The following SORD variants were observed in gnomAD, a reference collection of about 807,000 sequenced individuals.
SORD encodes the protein sorbitol dehydrogenase, also known as (R,R)-butanediol dehydrogenase.
Under a neutral mutation model 35.6 loss-of-function variants are expected in SORD, and 18 were observed. The observed-to-expected ratio is 0.51, with a 90% CI of 0.35 to 0.75. The LOEUF (loss-of-function observed/expected upper bound fraction) is 0.75. Among genes scored for constraint, SORD ranks in the 30% least tolerant of loss-of-function variants. SORD has a pLI of 0.01. For missense variants in SORD, 250 were observed against 390.2 expected, an observed-to-expected ratio of 0.64 and a Z score of 3.03; for synonymous variants, 106 against 152.9, an observed-to-expected ratio of 0.69 and a Z score of 2.26.
chr15:45,027,589 C>T (rs1892695608), intron 1 of SORD, among the ~76,000 whole-genome samples: 1 of 152,252 alleles, frequency 6.6e-6, no homozygotes, highest in African/African-American at 2.4e-5. Flanking sequence ...AGACCAGGGC[C>T]TTCAAACACA....
intron 7 of SORD, chr15:45,069,980 G>A (rs1893484571): frequency 1.3e-5 from 2 of 152,200 alleles, no homozygotes; most frequent in Admixed American, 6.5e-5. Flanking sequence ...ATCAAAGTAT[G>A]AGGAAACGAA....
At chr15:45,068,296 T>A in intron 6 of SORD, 50 bp downstream of exon 6, 3 of 1,349,522 alleles carry the variant, frequency 2.2e-6, no homozygotes, top group Non-Finnish European at 3.2e-6. Flanking sequence ...CAGCGGGTCC[T>A]ACTGTATGTG....
At chr15:45,048,691 T>C (rs1289168746) in intron 3 of SORD, among the ~76,000 whole-genome samples, 3 of 152,118 alleles carry the variant, frequency 2.0e-5, no homozygotes, top group Non-Finnish European at 4.4e-5. Flanking sequence ...CTTTGTCTCA[T>C]GACCAGGAAA....
At chr15:45,046,817 A>G (rs1343936262) in intron 3 of SORD, among the ~76,000 whole-genome samples, 1 of 152,154 alleles carries the variant, frequency 6.6e-6, no homozygotes, top group East Asian at 1.9e-4. Flanking sequence ...CAGGAGTTCA[A>G]GATCAGCCTG....
intron 1 of SORD, among the ~76,000 whole-genome samples, chr15:45,023,971 G>A (rs2141259622): frequency 6.6e-6 from 1 of 152,224 alleles, no homozygotes; most frequent in South Asian, 2.1e-4. Context: ...TCCCTTGTCT[G>A]TAAGGATCCT....
chr15:45,027,573 G>A (rs965221703), intron 1 of SORD, among the ~76,000 whole-genome samples: 3 of 152,216 alleles, frequency 2.0e-5, no homozygotes, highest in Admixed American at 2.0e-4. Context: ...AAAAAGAGGT[G>A]GATGGAGACC....
intron 1 of SORD, among the ~76,000 whole-genome samples, chr15:45,026,782 G>A (rs72722055): frequency 0.18 from 25,222 of 139,160 alleles, no homozygotes; most frequent in African/African-American, 0.43. Flanking sequence ...AGGAAGCAAT[G>A]TCTCAACCTT....
chr15:45,025,015 A>G (rs1256602865), intron 1 of SORD, among the ~76,000 whole-genome samples: 1 of 152,246 alleles, frequency 6.6e-6, no homozygotes, highest in Non-Finnish European at 1.5e-5. Context: ...CTGCTCAGGC[A>G]GACTACCTCT....
At chr15:45,036,252 C>T in intron 1 of SORD, 1 of 445,658 alleles carries the variant, frequency 2.2e-6, no homozygotes, top group Non-Finnish European at 4.5e-6. Context: ...CAAGAACCCA[C>T]CAATTCCGGA....
chr15:45,055,936 A>G (rs1434837021), intron 3 of SORD, among the ~76,000 whole-genome samples: 1 of 152,122 alleles, frequency 6.6e-6, no homozygotes, highest in Admixed American at 6.6e-5. Flanking sequence ...ACAAAATTCA[A>G]CAACTCTTCA....
intron 7 of SORD, among the ~76,000 whole-genome samples, chr15:45,071,289 A>C (rs1204225832): frequency 6.6e-6 from 1 of 152,112 alleles, no homozygotes; most frequent in African/African-American, 2.4e-5. Flanking sequence ...GCTGATGAGG[A>C]AGTAGTTTCC....
intron 1 of SORD, among the ~76,000 whole-genome samples, chr15:45,035,188 C>A (rs1306687336): frequency 3.9e-5 from 6 of 152,186 alleles, no homozygotes. Context: ...GGCGCCCAAT[C>A]CCATCGACCA....
intron 4 of SORD, 62 bp from the exon 5 acceptor site, chr15:45,065,209 T>A: frequency 5.2e-6 from 7 of 1,355,796 alleles, no homozygotes; most frequent in Non-Finnish European, 7.3e-6. Flanking sequence ...TGGGCATATA[T>A]AATACTATTG....
At position 45,023,467 on chromosome 15, in the gene SORD, G is replaced by A. The variant is rs930603366; in HGVS notation, c.66+118G>A. ...GCCGGCCCCGCACCTTAAGCGCCCT[G>A]GCTGCCCAGATCCCAGCTGGTTCCC... On this transcript the variant is annotated intron_variant, in intron 1 of 8. Coordinates refer to ENST00000267814, the MANE Select transcript of SORD (RefSeq NM_003104.6). 22 of 889,548 alleles carry A rather than the reference G, an allele frequency of 2.5e-5. No individual in the cohort carries two copies. The African/African-American group carries it at 2.8e-4, about 11-fold the overall frequency. 55.1% of individuals were successfully genotyped at this position (889,548 alleles called of 1,614,324 possible).
intron 3 of SORD, chr15:45,050,428 CTA>C (rs1893107271): frequency 6.6e-6 from 1 of 152,170 alleles, no homozygotes. Context: ...ACTCAAATAC[CTA>C]TGAGTTGGGC....
intron 4 of SORD, among the ~76,000 whole-genome samples, chr15:45,063,776 G>C (rs370849774): frequency 1.3e-5 from 2 of 151,248 alleles, no homozygotes; most frequent in Admixed American, 6.6e-5. Context: ...TGGAGTCCCT[G>C]AGAGAGTTTA....
At chr15:45,053,359 G>C (rs1303162795) in intron 3 of SORD, among the ~76,000 whole-genome samples, 1 of 152,186 alleles carries the variant, frequency 6.6e-6, no homozygotes, top group Non-Finnish European at 1.5e-5. Flanking sequence ...AGCCATTGCT[G>C]AACTTGATAC....
chr15:45,038,636 T>C (rs1471858629), intron 1 of SORD, among the ~76,000 whole-genome samples: 1 of 152,198 alleles, frequency 6.6e-6, no homozygotes, highest in African/African-American at 2.4e-5. Flanking sequence ...ACAAGCAGTG[T>C]ACCTGATGCT....
chr15:45,039,800 G>A (rs1892937241), intron 1 of SORD, among the ~76,000 whole-genome samples: 2 of 146,290 alleles, frequency 1.4e-5, no homozygotes, highest in African/African-American at 4.9e-5. Flanking sequence ...ACATCCTCAC[G>A]TGCAACTGTC....
Sources: allele counts gnomAD v4.1 joint callset (sites outside exome capture counted in the v4.1 genomes callset), GRCh38; gene constraint gnomAD v4.1.1; transcripts MANE v1.5; gene names NCBI Gene and HGNC (gene_info 2026-07-23, HGNC 2026-07-21).